Variants in SLFN12L observed in about 807,000 individuals in gnomAD.
SLFN12L encodes schlafen family member 12-like.
Under a neutral mutation model 34.8 loss-of-function variants are expected in SLFN12L, and 34 were observed. The observed-to-expected ratio is 0.98, with a 90% CI of 0.74 to 1.30. The LOEUF (loss-of-function observed/expected upper bound fraction) is 1.30, where lower values mean the gene tolerates loss of function less well. Ranked by LOEUF, SLFN12L falls within the 50% of genes most tolerant of loss-of-function variation. The probability of loss-of-function intolerance (pLI) is 0.00; values close to 1 mark genes in which losing one functional copy is unlikely to be tolerated. For missense variants in SLFN12L, 703 were observed against 696.2 expected, an observed-to-expected ratio of 1.01 and a Z score of -0.11; for synonymous variants, 259 against 247.5, an observed-to-expected ratio of 1.05 and a Z score of -0.44.
chr17:35,491,136 C>T (rs1446518204), intron 2 of SLFN12L: 2 of 782,770 alleles, frequency 2.6e-6, no homozygotes, highest in Non-Finnish European at 4.6e-6. Context: ...TACTGCCTCC[C>T]CTGCTGCTCC....
chr17:35,509,527 T>C lies in SLFN12L; in HGVS notation c.86+12752A>G, dbSNP rs372804339. Among the ~76,000 whole-genome samples the C allele has an allele frequency of 2.0e-5, 3 of 152,218 alleles. No individual in the cohort carries two copies. In the East Asian group the frequency reaches 5.8e-4, roughly 29 times the overall value. On this transcript the variant is annotated intron_variant, in intron 2 of 4. Coordinates refer to ENST00000628453, the MANE Select transcript of SLFN12L (RefSeq NM_001363830.2). Reference sequence around the variant, plus strand: ...ACAGCAATTTGGGAAGTTTTCTCTTTGGTTTCTGACAATGAGCATTTGGGG... The same window carrying C: ...ACAGCAATTTGGGAAGTTTTCTCTTCGGTTTCTGACAATGAGCATTTGGGG...
intron 1 of SLFN12L, among the ~76,000 whole-genome samples, chr17:35,535,482 C>T (rs1335426105): frequency 6.6e-6 from 1 of 150,704 alleles, no homozygotes; most frequent in Admixed American, 6.6e-5. Flanking sequence ...CAGCACCGCA[C>T]CCAGCCTTTT....
At chr17:35,475,947 A>G (rs1025429687) in intron 4 of SLFN12L, among the ~76,000 whole-genome samples, 2 of 147,532 alleles carry the variant, frequency 1.4e-5, no homozygotes, top group African/African-American at 2.5e-5. Flanking sequence ...ATATATATGT[A>G]TATATATATA....
At position 35,474,704 on chromosome 17, in the gene SLFN12L, T is replaced by A; in HGVS notation, c.*219A>T. ...TGGGAGACCGGGGGGGGGGGTTGAA[T>A]CACGAGGTCAGGAGTTCAAGACCAG... On this transcript the variant is annotated 3_prime_UTR_variant, in exon 5 of 5. Transcript: ENST00000628453. 1 of 344,234 alleles carries A rather than the reference T, an allele frequency of 2.9e-6. No individual in the cohort carries two copies. The highest frequency in any genetic ancestry group is 5.2e-6 in the Non-Finnish European group (1 of 192,658). 21.3% of individuals were successfully genotyped at this position (344,234 alleles called of 1,614,324 possible).
At position 35,465,009 on chromosome 17, in the gene SLFN12L, T is replaced by A. The variant is rs1436935339; in HGVS notation, c.*9914A>T. 2.0e-5 allele frequency among the ~76,000 whole-genome samples: 3 copies of A among 152,172 alleles called. No individual in the cohort carries two copies. Among genetic ancestry groups the A allele is most frequent in the African/African-American group, 7.2e-5 (3 of 41,446 alleles). On this transcript the variant is annotated 3_prime_UTR_variant, in exon 5 of 5. Coordinates refer to ENST00000628453, the MANE Select transcript of SLFN12L (RefSeq NM_001363830.2). ...CTCCTGCCTCAGCTTCCCAAGTAGC[T>A]GGGACTACGGGAGCACACCACCACA...
chr17:35,522,203 AG>A lies in SLFN12L; in HGVS notation c.86+75del, dbSNP rs1916018087. 31 of 1,561,982 alleles carry A rather than the reference AG, an allele frequency of 2.0e-5. No homozygotes were observed. The South Asian group carries it at 3.5e-4, about 18-fold the overall frequency. On this transcript the variant is annotated intron_variant, in intron 2 of 4. Transcript: ENST00000628453. ...AGATAATTTTACCACTTAATTTTCA[AG>A]GGACAAGGTGACTTAGCAGAGAAAA...
rs531573951 is a variant in SLFN12L at position 35,465,123 on chromosome 17, G to A, written c.*9800C>T. 9.9e-5 allele frequency among the ~76,000 whole-genome samples: 15 copies of A among 152,246 alleles called. No homozygotes were observed. The highest frequency in any genetic ancestry group is 4.6e-4 in the Admixed American group (7 of 15,282). ...TCGAACTCCTGGCCTCAAGTGATCC[G>A]CCTGTCTCGGCCTCCCAAAGTGCTG... is the stretch of plus-strand genomic sequence containing the variant. On this transcript the variant is annotated 3_prime_UTR_variant, in exon 5 of 5. Coordinates refer to ENST00000628453, the MANE Select transcript of SLFN12L (RefSeq NM_001363830.2).
Position 35,465,647 on chromosome 17 carries a change from C to T in SLFN12L, c.*9276G>A, listed in dbSNP as rs1261411446. On this transcript the variant is annotated 3_prime_UTR_variant, in exon 5 of 5. Transcript: ENST00000628453. ...TATTCCCTGCTGCTTGTCCGTTTAA[C>T]AGCCCAGTGTTGCCTGTTCTTAAAC... 1.3e-5 allele frequency among the ~76,000 whole-genome samples: 2 copies of T among 151,348 alleles called. No individual in the cohort carries two copies. The highest frequency in any genetic ancestry group is 2.9e-5 in the Non-Finnish European group (2 of 67,902).
At chr17:35,489,275 C>G (rs115561617) in intron 2 of SLFN12L, among the ~76,000 whole-genome samples, 2,064 of 151,966 alleles carry the variant, frequency 0.014, 57 homozygotes, top group African/African-American at 0.047. Flanking sequence ...GTTCCTATAC[C>G]GTGGCAGTGG....
intron 2 of SLFN12L, among the ~76,000 whole-genome samples, chr17:35,497,676 T>C (rs1915138552): frequency 6.6e-6 from 1 of 152,192 alleles, no homozygotes; most frequent in African/African-American, 2.4e-5. Flanking sequence ...AATCCGACAG[T>C]CTTGAAAACG....
In SLFN12L at chr17:35,468,668, G is replaced by A. The variant is rs778479999; in HGVS notation, c.*6255C>T. 2.6e-5 allele frequency among the ~76,000 whole-genome samples: 4 copies of A among 152,008 alleles called. No homozygotes were observed. Among genetic ancestry groups the A allele is most frequent in the Non-Finnish European group, 5.9e-5 (4 of 68,008 alleles). On this transcript the variant is annotated 3_prime_UTR_variant, in exon 5 of 5. Coordinates refer to ENST00000628453, the MANE Select transcript of SLFN12L (RefSeq NM_001363830.2). ...TGCTCTCTGCCAAAACATACACCCC[G>A]CACTCCTATGCCTGAAGGAAAATTT...
At chr17:35,488,131 C>T (rs927229694) in intron 2 of SLFN12L, among the ~76,000 whole-genome samples, 1 of 152,222 alleles carries the variant, frequency 6.6e-6, no homozygotes, top group African/African-American at 2.4e-5. Flanking sequence ...ATGGCGTGAA[C>T]CCCGGAGGCG....
chr17:35,515,789 G>T (rs1915807911), intron 2 of SLFN12L, among the ~76,000 whole-genome samples: 2 of 151,618 alleles, frequency 1.3e-5, no homozygotes, highest in Non-Finnish European at 2.9e-5. Flanking sequence ...GATTACAGGA[G>T]CCCACCACCA....
chr17:35,512,525 C>G (rs1458304712), intron 2 of SLFN12L, among the ~76,000 whole-genome samples: 1 of 152,082 alleles, frequency 6.6e-6, no homozygotes, highest in African/African-American at 2.4e-5. Flanking sequence ...GCCACCATGT[C>G]CGGCTAATTT....
At chr17:35,491,536 G>A (rs1042285408) in intron 2 of SLFN12L, among the ~76,000 whole-genome samples, 1 of 152,192 alleles carries the variant, frequency 6.6e-6, no homozygotes, top group African/African-American at 2.4e-5. Flanking sequence ...CTCTCACCCC[G>A]ACTTTTCCTT....
intron 1 of SLFN12L, among the ~76,000 whole-genome samples, chr17:35,532,441 CAAA>C (rs11323761): frequency 1.3e-4 from 16 of 118,914 alleles, no homozygotes; most frequent in Non-Finnish European, 2.3e-4. Context: ...GACTCCATCT[CAAA>C]AAAAAAAAAA....
In SLFN12L at chr17:35,465,393, A is replaced by G. The variant is rs1913706468; in HGVS notation, c.*9530T>C. On this transcript the variant is annotated 3_prime_UTR_variant, in exon 5 of 5. Transcript: ENST00000628453. ...TGATTGAATTGCTCATAGTTGTTGT[A>G]CTCAGTGCCTTAAAGTATCTCGTAT... Among the ~76,000 whole-genome samples, 1 of 151,876 alleles carries G rather than the reference A, an allele frequency of 6.6e-6. No individual in the cohort carries two copies. The highest frequency in any genetic ancestry group is 2.4e-5 in the African/African-American group (1 of 41,318).
At chr17:35,504,585 C>A (rs980100300) in intron 2 of SLFN12L, among the ~76,000 whole-genome samples, 2 of 152,186 alleles carry the variant, frequency 1.3e-5, no homozygotes, top group Non-Finnish European at 2.9e-5. Flanking sequence ...CTCCAGTCGA[C>A]CAGGCATGGG....
At chr17:35,530,504 GAAAGAAAGAAAAGA>G (rs2072396217) in intron 1 of SLFN12L, among the ~76,000 whole-genome samples, 21 of 33,104 alleles carry the variant, frequency 6.3e-4, no homozygotes, top group African/African-American at 1.6e-3. Flanking sequence ...AAGAAAGAAA[GAAAGAAAGAAAAGA>G]AAAGAAAAGA....
Sources: gnomAD v4.1 joint callset for allele counts (sites outside exome capture counted in the v4.1 genomes callset) on GRCh38, gnomAD v4.1.1 for gene constraint, MANE v1.5 for transcripts, NCBI Gene and HGNC (gene_info 2026-07-23, HGNC 2026-07-21) for gene names.